ERAP1: variants seen among roughly 807,000 people sequenced by gnomAD.
The protein encoded by ERAP1 is adipocyte-derived leucine aminopeptidase.
A neutral mutation model predicts 103.7 loss-of-function variants in ERAP1; 86 were observed. The observed-to-expected ratio is 0.83, with a 90% confidence interval of 0.70 to 0.99. ERAP1 has a LOEUF of 0.99. Among genes scored for constraint, ERAP1 ranks in the 50% least tolerant of loss-of-function variants. ERAP1 has a pLI of 0.00. For missense variants in ERAP1, 1,009 were observed against 1,128.4 expected (o/e 0.89, Z 1.52); for synonymous variants, 398 against 402.4 (o/e 0.99, Z 0.13).
chr5:96,772,298 T>C (rs936617789), downstream of ERAP1: 2 of 153,614 alleles, frequency 1.3e-5, no homozygotes, highest in African/African-American at 4.8e-5. Context: ...GGCCCTTATC[T>C]TAATCTTCAG....
the ERAP1 span, among the ~76,000 whole-genome samples, chr5:96,897,954 T>C: frequency 6.6e-6 from 1 of 152,236 alleles, no homozygotes; most frequent in Non-Finnish European, 1.5e-5. Flanking sequence ...CCCAAGACTT[T>C]GGGACACCAA....
the ERAP1 span, among the ~76,000 whole-genome samples, chr5:96,829,543 A>C: frequency 6.6e-6 from 1 of 152,240 alleles, no homozygotes; most frequent in African/African-American, 2.4e-5. Context: ...ATCATTTTAG[A>C]GTCTGTGAAT....
the ERAP1 span, among the ~76,000 whole-genome samples, chr5:96,833,669 G>T: frequency 6.6e-6 from 1 of 151,860 alleles, no homozygotes; most frequent in East Asian, 1.9e-4. Flanking sequence ...ATGGTGGTGC[G>T]TGCCTGTAAT....
At position 96,776,348 on chromosome 5, in the gene ERAP1, A is replaced by G; in HGVS notation, c.*48T>C. The G allele has an allele frequency of 6.3e-7, 1 of 1,579,208 alleles. No individual in the cohort carries two copies. The highest frequency in any genetic ancestry group is 8.6e-7 in the Non-Finnish European group (1 of 1,163,088). On this transcript the variant is annotated 3_prime_UTR_variant, in exon 19 of 19. Transcript: ENST00000443439. ...TCTCTAGTTTGAAAATACACTCAAC[A>G]AAATGTTGGTGATTAGAGATAACAG... is the stretch of plus-strand genomic sequence containing the variant.
chr5:96,832,270 C>T, the ERAP1 span, among the ~76,000 whole-genome samples: 38 of 152,248 alleles, frequency 2.5e-4, no homozygotes, highest in East Asian at 6.6e-3. Context: ...AACTTCTGTC[C>T]CCTGAGATGA....
chr5:96,780,546 T>C lies in ERAP1; in HGVS notation c.2589-42A>G, dbSNP rs766310244. 7.5e-5 allele frequency: 110 copies of C among 1,458,916 alleles called. 1 individual carries two copies. The highest frequency in any genetic ancestry group is 8.0e-5 in the South Asian group (7 of 87,866). 90.4% of individuals were successfully genotyped at this position (1,458,916 alleles called of 1,614,324 possible). A position where few individuals can be genotyped will look rare whatever the true frequency, so the allele number is the denominator to read the frequency against. On this transcript the variant is annotated intron_variant, in intron 17 of 18. Coordinates refer to ENST00000443439, the MANE Select transcript of ERAP1 (RefSeq NM_001040458.3). ...TCAAAAACGGGTTGTGAAATACTTATTCATTTAACATATATTTTAAGGGCC... is the reference window on the plus strand; with the variant it reads ...TCAAAAACGGGTTGTGAAATACTTACTCATTTAACATATATTTTAAGGGCC...
chr5:96,897,120 T>C, the ERAP1 span, among the ~76,000 whole-genome samples: 1 of 152,218 alleles, frequency 6.6e-6, no homozygotes, highest in Non-Finnish European at 1.5e-5. Flanking sequence ...CCTACACTTT[T>C]ATGTTCCCTT....
chr5:96,856,361 TATATAG>T, the ERAP1 span, among the ~76,000 whole-genome samples: 1 of 31,528 alleles, frequency 3.2e-5, no homozygotes. Context: ...TATATATATA[TATATAG>T]AGAGAGAGAG....
chr5:96,861,784 A>T, the ERAP1 span, among the ~76,000 whole-genome samples: 1 of 152,228 alleles, frequency 6.6e-6, no homozygotes, highest in Non-Finnish European at 1.5e-5. Context: ...TGAACCCAGG[A>T]CATTTAACTT....
chr5:96,898,103 G>A, the ERAP1 span, among the ~76,000 whole-genome samples: 1 of 152,254 alleles, frequency 6.6e-6, no homozygotes, highest in African/African-American at 2.4e-5. Flanking sequence ...GGCTAAGGCA[G>A]GAGAATCACT....
intron 2 of ERAP1, 100 bp downstream of exon 2, chr5:96,803,303 G>T (rs2150999280): frequency 7.6e-7 from 1 of 1,307,312 alleles, no homozygotes; most frequent in Non-Finnish European, 1.1e-6. Context: ...TGAAGAAAAA[G>T]TTCAACAGCA....
chr5:96,917,346 C>T, the ERAP1 span: 4 of 857,930 alleles, frequency 4.7e-6, no homozygotes, highest in Non-Finnish European at 7.2e-6. Flanking sequence ...GTATTGAACT[C>T]CTGAGCTCAA....
the ERAP1 span, among the ~76,000 whole-genome samples, chr5:96,835,624 GTCTAAGTTTACAGTGTGTTT>G: frequency 1.3e-5 from 2 of 152,286 alleles, no homozygotes; most frequent in African/African-American, 4.8e-5. Flanking sequence ...TTGATTTTAA[GTCTAAGTTTACAGTGTGTTT>G]TCCTTCTGTA....
chr5:96,790,611 A>T lies in ERAP1; in HGVS notation c.1353T>A (p.Tyr451Ter), dbSNP rs757841926. The change falls in exon 9 of 19, where the codon TAT (tyrosine) becomes TAA (stop). Residue 451 changes from tyrosine to a stop codon, truncating the protein, a stop_gained. Transcript: ENST00000443439. LOFTEE classifies it high-confidence loss of function. Reference protein sequence around the residue: ...GACILNMLREYLSADAFKSGI... With the variant: ...GACILNMLRE ...CACTTTTAAATGCGTCAGCACTAAGATACTCCCTTAGCATATTCAGAATAC... is the reference window on the plus strand; with the variant it reads ...CACTTTTAAATGCGTCAGCACTAAGTTACTCCCTTAGCATATTCAGAATAC... The T allele has an allele frequency of 6.2e-7, 1 of 1,609,302 alleles. No homozygotes were observed. The highest frequency in any genetic ancestry group is 8.5e-7 in the Non-Finnish European group (1 of 1,175,544).
At position 96,803,483 on chromosome 5, in the gene ERAP1, G is replaced by A; in HGVS notation, c.444C>T (p.Val148=). Residue 148 remains valine, a synonymous_variant, in exon 2 of 19, where the codon GTC becomes GTT. Coordinates refer to ENST00000443439, the MANE Select transcript of ERAP1 (RefSeq NM_001040458.3). ...CCGAAAGATTGCCAGCATAGTGAAT[G>A]ACAACTGTGTACGGGAGCCCGACAA... is the stretch of plus-strand genomic sequence containing the variant. ...PLLVGLPYTV[V]IHYAGNLSET... 1 of 1,613,684 alleles carries A rather than the reference G, an allele frequency of 6.2e-7. No homozygotes were observed.
At chr5:96,880,278 T>C in the ERAP1 span, 1 of 1,581,804 alleles carries the variant, frequency 6.3e-7, no homozygotes, top group Admixed American at 1.8e-5. Flanking sequence ...CTTGCTCAGG[T>C]AATTTACATT....
intron 15 of ERAP1, 75 bp from the exon 16 acceptor site, chr5:96,781,929 T>TAA (rs1775239949): frequency 8.1e-7 from 1 of 1,230,662 alleles, no homozygotes; most frequent in Non-Finnish European, 1.2e-6. Flanking sequence ...TGACTAACTA[T>TAA]GAACTGCTGA....
At chr5:96,916,273 C>A in the ERAP1 span, among the ~76,000 whole-genome samples, 1 of 151,236 alleles carries the variant, frequency 6.6e-6, no homozygotes, top group Non-Finnish European at 1.5e-5. Context: ...AAAAAAGCCC[C>A]TGACTCTTAA....
the ERAP1 span, among the ~76,000 whole-genome samples, chr5:96,843,503 T>C: frequency 7.9e-5 from 12 of 152,244 alleles, no homozygotes; most frequent in African/African-American, 2.9e-4. Flanking sequence ...GTTTTTCATC[T>C]GCCATGCACA....
Sources: gnomAD v4.1 joint callset for allele counts (sites outside exome capture counted in the v4.1 genomes callset) on GRCh38, gnomAD v4.1.1 for gene constraint, MANE v1.5 for transcripts, NCBI Gene and HGNC (gene_info 2026-07-23, HGNC 2026-07-21) for gene names.